IGF2BP3: variants seen among roughly 807,000 people sequenced by gnomAD.
IGF2BP3 encodes the protein insulin like growth factor 2 mRNA binding protein 3.
In IGF2BP3, 9 loss-of-function variants were observed where a neutral mutation model predicts 73.8. That is an observed-to-expected ratio of 0.12 (90% confidence interval 0.07 to 0.21). IGF2BP3 has a LOEUF of 0.21. Ranked by LOEUF, IGF2BP3 falls within the 10% of genes least tolerant of loss-of-function variation. IGF2BP3 has a pLI of 1.00. For synonymous variants in IGF2BP3, 258 were observed against 256.7 expected, an observed-to-expected ratio of 1.01 and a Z score of -0.05; for missense variants, 542 against 714.0, an observed-to-expected ratio of 0.76 and a Z score of 2.75.
chr7:23,373,892 G>C (rs1047606198), intron 3 of IGF2BP3, among the ~76,000 whole-genome samples: 3 of 152,130 alleles, frequency 2.0e-5, no homozygotes, highest in Non-Finnish European at 4.4e-5. Flanking sequence ...TGTTTTAAAA[G>C]AGGCTGGAAC....
intron 3 of IGF2BP3, among the ~76,000 whole-genome samples, chr7:23,377,313 AG>A (rs1160813632): frequency 1.3e-5 from 2 of 152,226 alleles, no homozygotes; most frequent in Non-Finnish European, 2.9e-5. Context: ...TTTTATGCAG[AG>A]GAAGTGAATA....
chr7:23,312,437 T>C lies in IGF2BP3; in HGVS notation c.1665A>G (p.Glu555=), dbSNP rs376027473. The part of the protein sequence containing the change: ...ACQVAQRKIQ[E]ILTQVKQHQQ... The stretch of plus-strand genomic sequence containing the variant: ...GGTGCTGCTTTACCTGAGTCAGAAT[T>C]TCCTGAATTTTTCTCTGGGCAACCT... Residue 555 remains glutamate (E), a synonymous_variant, in exon 15 of 15, where the codon GAA becomes GAG. Transcript: ENST00000258729. 6.2e-7 allele frequency: 1 copy of C among 1,613,842 alleles called. No individual in the cohort carries two copies. The highest frequency in any genetic ancestry group is 1.3e-5 in the African/African-American group (1 of 74,918).
intron 3 of IGF2BP3, among the ~76,000 whole-genome samples, chr7:23,407,368 G>GT (rs1195447839): frequency 6.6e-6 from 1 of 151,766 alleles, no homozygotes; most frequent in Non-Finnish European, 1.5e-5. Context: ...CAGCACTTTG[G>GT]GAGGCCGAGG....
chr7:23,363,730 G>C (rs553445223), intron 3 of IGF2BP3, among the ~76,000 whole-genome samples: 56 of 152,278 alleles, frequency 3.7e-4, no homozygotes, highest in African/African-American at 1.3e-3. Context: ...ATCACAAAAA[G>C]ACATTCAAAT....
At chr7:23,459,720 A>C (rs1308654680) in intron 2 of IGF2BP3, among the ~76,000 whole-genome samples, 1 of 152,034 alleles carries the variant, frequency 6.6e-6, no homozygotes, top group African/African-American at 2.4e-5. Context: ...AATCTCAGTT[A>C]CTCGGGAGGC....
In IGF2BP3 at chr7:23,312,842, C is replaced by G; in HGVS notation, c.1534G>C (p.Glu512Gln). The G allele has an allele frequency of 1.2e-6, 2 of 1,601,548 alleles. No homozygotes were observed. Among genetic ancestry groups the G allele is most frequent in the Non-Finnish European group, 1.7e-6 (2 of 1,172,324 alleles). Residue 512 changes from glutamate to glutamine, a missense_variant, in exon 14 of 15, where the codon GAA (glutamate) becomes CAA (glutamine). Physicochemically the swap from Glu to Gln is conservative, Grantham distance 29 (BLOSUM62 2). Transcript: ENST00000258729. The stretch of plus-strand genomic sequence containing the variant: ...TCTGCACTTGACAAATTCTGAAGTT[C>G]ATTCACCTGAAAGAGATAAATATAA... ...VIGKGGKTVN[E>Q]LQNLSSAEVV... is the part of the protein sequence containing the mutation.
chr7:23,316,439 T>G (rs1194420704), intron 12 of IGF2BP3, among the ~76,000 whole-genome samples: 1 of 151,996 alleles, frequency 6.6e-6, no homozygotes, highest in African/African-American at 2.4e-5. Context: ...CCCAGCACTT[T>G]GGGAGGCTAA....
intron 10 of IGF2BP3, among the ~76,000 whole-genome samples, chr7:23,329,220 A>T (rs975165689): frequency 2.6e-5 from 4 of 152,124 alleles, no homozygotes; most frequent in African/African-American, 9.7e-5. Context: ...CTCAAAAAAA[A>T]AAAAAATTAA....
At chr7:23,425,943 G>T (rs1267801177) in intron 2 of IGF2BP3, among the ~76,000 whole-genome samples, 2 of 151,520 alleles carry the variant, frequency 1.3e-5, no homozygotes, top group East Asian at 3.9e-4. Context: ...TCCAGCCTGG[G>T]CAACAGGGTG....
At chr7:23,438,472 T>C (rs1787855634) in intron 2 of IGF2BP3, among the ~76,000 whole-genome samples, 1 of 152,116 alleles carries the variant, frequency 6.6e-6, no homozygotes, top group Admixed American at 6.6e-5. Context: ...CATAGATCAT[T>C]TCAAGGCAAA....
intron 2 of IGF2BP3, among the ~76,000 whole-genome samples, chr7:23,433,092 A>G (rs930433401): frequency 6.6e-6 from 1 of 152,250 alleles, no homozygotes; most frequent in Non-Finnish European, 1.5e-5. Flanking sequence ...AGTAAATTGT[A>G]CTTATCTTCC....
intron 2 of IGF2BP3, chr7:23,431,105 G>C (rs1452515353): frequency 6.6e-6 from 1 of 152,192 alleles, no homozygotes; most frequent in African/African-American, 2.4e-5. Flanking sequence ...GTACATATCT[G>C]TACATACACA....
chr7:23,368,434 T>C, intron 3 of IGF2BP3, among the ~76,000 whole-genome samples: 1 of 150,206 alleles, frequency 6.7e-6, no homozygotes, highest in East Asian at 1.9e-4. Flanking sequence ...CTACTTATTA[T>C]ATGATTTTTG....
chr7:23,371,513 A>T (rs1785547691), intron 3 of IGF2BP3, among the ~76,000 whole-genome samples: 1 of 152,204 alleles, frequency 6.6e-6, no homozygotes, highest in African/African-American at 2.4e-5. Context: ...TCTAAAACAA[A>T]ATAAAGAAAT....
At chr7:23,328,825 GA>G (rs1248502427) in intron 10 of IGF2BP3, among the ~76,000 whole-genome samples, 1 of 152,144 alleles carries the variant, frequency 6.6e-6, no homozygotes, top group Admixed American at 6.5e-5. Context: ...AAATGCTCAA[GA>G]AGAATGACAG....
intron 3 of IGF2BP3, among the ~76,000 whole-genome samples, chr7:23,382,551 C>G (rs1273193495): frequency 3.3e-5 from 5 of 152,080 alleles, no homozygotes; most frequent in African/African-American, 1.2e-4. Flanking sequence ...ACCAAAAGTT[C>G]AGCTAAATAC....
intron 6 of IGF2BP3, among the ~76,000 whole-genome samples, chr7:23,348,431 A>C (rs896304602): frequency 2.6e-4 from 40 of 152,252 alleles, no homozygotes; most frequent in African/African-American, 8.9e-4. Context: ...GATGATGGGT[A>C]ACAAGGCACA....
intron 13 of IGF2BP3, 138 bp from the exon 14 acceptor site, chr7:23,312,986 T>C: frequency 4.9e-6 from 3 of 608,802 alleles, no homozygotes; most frequent in Non-Finnish European, 8.8e-6. Flanking sequence ...ATGAGGTTAT[T>C]AGAATTATCC....
In IGF2BP3 at chr7:23,422,306, T is replaced by C. The variant is rs140216174; in HGVS notation, c.237-3482A>G. On this transcript the variant is annotated intron_variant, in intron 2 of 14. Coordinates refer to ENST00000258729, the MANE Select transcript of IGF2BP3 (RefSeq NM_006547.3). ...TTCACAAAGAGGATACTATCTTTTG[T>C]TTATTAAGAGTAATCCAGGCAATAC... Among the ~76,000 whole-genome samples, 295 of 152,288 alleles carry C rather than the reference T, an allele frequency of 1.9e-3. 2 individuals carry two copies. The highest frequency in any genetic ancestry group is 6.9e-3 in the African/African-American group (285 of 41,554).
Sources: allele counts gnomAD v4.1 joint callset (sites outside exome capture counted in the v4.1 genomes callset), GRCh38; gene constraint gnomAD v4.1.1; transcripts MANE v1.5; gene names NCBI Gene and HGNC (gene_info 2026-07-23, HGNC 2026-07-21).